The following PLAC1 variants were observed in gnomAD, a reference collection of about 807,000 sequenced individuals.
PLAC1 encodes the protein placenta-specific protein 1.
For synonymous variants in PLAC1, 68 were observed against 62.1 expected (o/e 1.09, Z -0.44); for missense variants, 136 against 163.2 (o/e 0.83, Z 0.91).
chrX:134,722,274 C>T (rs1461585619), intron 2 of PLAC1, among the ~76,000 whole-genome samples: 1 of 112,076 alleles, frequency 8.9e-6, no homozygotes, highest in East Asian at 2.8e-4. Context: ...ATGGAAACAA[C>T]TCAGATGTCC....
intron 1 of PLAC1, among the ~76,000 whole-genome samples, chrX:134,611,494 T>C (rs192591173): frequency 1.3e-5 from 1 of 76,781 alleles, no homozygotes; most frequent in African/African-American, 4.8e-5. Context: ...ATTATATATA[T>C]AGATATATAT....
chrX:134,729,401 C>T (rs370891009), intron 2 of PLAC1, among the ~76,000 whole-genome samples: 14 of 111,955 alleles, frequency 1.3e-4, no homozygotes, highest in African/African-American at 4.2e-4. Context: ...TTTTATAGAA[C>T]GAGAAAACTG....
At chrX:134,705,896 G>C (rs913496528) in intron 2 of PLAC1, among the ~76,000 whole-genome samples, 2 of 112,033 alleles carry the variant, frequency 1.8e-5, no homozygotes, top group Non-Finnish European at 3.8e-5. Flanking sequence ...TAAAAACCCT[G>C]AACATTATGT....
chrX:134,627,439 T>C (rs1414717161), intron 1 of PLAC1, among the ~76,000 whole-genome samples: 1 of 112,436 alleles, frequency 8.9e-6, no homozygotes, highest in Non-Finnish European at 1.9e-5. Context: ...ATTCCACTGA[T>C]TGGAATTGAT....
intron 1 of PLAC1, among the ~76,000 whole-genome samples, chrX:134,762,203 C>T (rs1361711582): frequency 9.3e-6 from 1 of 108,030 alleles, no homozygotes. Flanking sequence ...GGCACCCCCC[C>T]CCCAATGACC....
chrX:134,619,641 A>T (rs2078201561), intron 1 of PLAC1, among the ~76,000 whole-genome samples: 1 of 103,688 alleles, frequency 9.6e-6, no homozygotes, highest in Non-Finnish European at 2.0e-5. Flanking sequence ...ACAAAGCAAG[A>T]CTCCATCTCA....
rs766044044 is a variant in PLAC1, at chrX:134,647,292, TC to T, written c.-131+11035del. 3.6e-5 allele frequency among the ~76,000 whole-genome samples: 4 copies of T among 111,794 alleles called. No homozygotes were observed. In the East Asian group the frequency reaches 1.1e-3, roughly 32 times the overall value. On this transcript the variant is annotated intron_variant, in intron 1 of 2. Coordinates refer to ENST00000359237, the MANE Select transcript of PLAC1 (RefSeq NM_021796.4). ...CCCGTGGCCTTCTGGGCCACCAGGT[TC>T]CATGCATCTTATTCCACTGCTCTGC...
intron 1 of PLAC1, among the ~76,000 whole-genome samples, chrX:134,640,024 G>A (rs987353298): frequency 7.1e-5 from 8 of 111,933 alleles, no homozygotes; most frequent in Non-Finnish European, 1.5e-4. Context: ...TGTGAGTAGT[G>A]CTGTTGTGAA....
At chrX:134,622,389 C>A (rs2078215293) in intron 1 of PLAC1, among the ~76,000 whole-genome samples, 1 of 110,721 alleles carries the variant, frequency 9.0e-6, no homozygotes, top group African/African-American at 3.3e-5. Flanking sequence ...GTTTAGTCAT[C>A]CTTACTACAT....
At chrX:134,753,446 T>C (rs1169257670) in intron 1 of PLAC1, among the ~76,000 whole-genome samples, 4 of 110,918 alleles carry the variant, frequency 3.6e-5, no homozygotes, top group African/African-American at 1.3e-4. Flanking sequence ...AGTTTAAATA[T>C]ACGATAACAG....
At chrX:134,602,618 A>G (rs1054025064) in intron 1 of PLAC1, among the ~76,000 whole-genome samples, 2 of 112,399 alleles carry the variant, frequency 1.8e-5, no homozygotes, top group Non-Finnish European at 1.9e-5. Context: ...AAGCTGTGGT[A>G]CATCCATGCA....
At chrX:134,584,758 TTAC>T (rs1188005604) in intron 2 of PLAC1, among the ~76,000 whole-genome samples, 1 of 111,644 alleles carries the variant, frequency 9.0e-6, no homozygotes, top group Non-Finnish European at 1.9e-5. Flanking sequence ...GCTGATTTTG[TTAC>T]TACATCACTG....
intron 1 of PLAC1, among the ~76,000 whole-genome samples, chrX:134,763,540 G>T (rs2078775878): frequency 9.0e-6 from 1 of 111,367 alleles, no homozygotes; most frequent in Non-Finnish European, 1.9e-5. Context: ...TGCAGAATAG[G>T]CTGGGCACGA....
intron 2 of PLAC1, among the ~76,000 whole-genome samples, chrX:134,596,054 T>A (rs1490310739): frequency 1.8e-5 from 2 of 111,770 alleles, no homozygotes; most frequent in Non-Finnish European, 3.8e-5. Flanking sequence ...TGTATATACA[T>A]AACTTATCAC....
At chrX:134,666,859 G>T (rs2078439085) in intron 2 of PLAC1, among the ~76,000 whole-genome samples, 1 of 111,571 alleles carries the variant, frequency 9.0e-6, no homozygotes, top group African/African-American at 3.3e-5. Context: ...TAAAAATGTT[G>T]TGGACCAGAA....
At chrX:134,598,904 T>A (rs2078074992) in intron 2 of PLAC1, among the ~76,000 whole-genome samples, 1 of 111,415 alleles carries the variant, frequency 9.0e-6, no homozygotes, top group South Asian at 3.8e-4. Flanking sequence ...ACACAGTAAG[T>A]ATTTGGAATA....
At chrX:134,677,185 C>T (rs1226796479) in intron 2 of PLAC1, among the ~76,000 whole-genome samples, 1 of 111,180 alleles carries the variant, frequency 9.0e-6, no homozygotes, top group Non-Finnish European at 1.9e-5. Flanking sequence ...AGTCCTTAAG[C>T]TCCTGTCCAG....
intron 2 of PLAC1, among the ~76,000 whole-genome samples, chrX:134,718,242 A>C (rs1490088758): frequency 2.7e-5 from 3 of 111,325 alleles, no homozygotes; most frequent in Non-Finnish European, 5.7e-5. Flanking sequence ...TGGAGAAAAA[A>C]AATTCCCCAG....
chrX:134,703,991 C>T (rs767900313), intron 2 of PLAC1, among the ~76,000 whole-genome samples: 45 of 104,266 alleles, frequency 4.3e-4, no homozygotes, highest in African/African-American at 1.4e-3. Flanking sequence ...CATACACCCA[C>T]GGACTGCACA....
Sources: allele counts gnomAD v4.1 joint callset (sites outside exome capture counted in the v4.1 genomes callset), GRCh38; gene constraint gnomAD v4.1.1; transcripts MANE v1.5; gene names NCBI Gene and HGNC (gene_info 2026-07-23, HGNC 2026-07-21).